The following CCDC102B variants were observed in gnomAD, a reference collection of about 807,000 sequenced individuals.
The protein encoded by CCDC102B is coiled-coil domain-containing protein 102B.
In CCDC102B, 75 loss-of-function variants were observed where a neutral mutation model predicts 57.4. The ratio of observed to expected loss-of-function variants is 1.31; its 90% confidence interval spans 1.08 to 1.58. CCDC102B has a LOEUF of 1.58. Ranked by LOEUF, CCDC102B falls within the 40% of genes most tolerant of loss-of-function variation. CCDC102B has a pLI of 0.00. For missense variants in CCDC102B, 636 were observed against 582.6 expected (o/e 1.09, Z -0.94); for synonymous variants, 206 against 201.9 (o/e 1.02, Z -0.17).
At chr18:68,959,463 C>T (rs2049991265) in intron 6 of CCDC102B, among the ~76,000 whole-genome samples, 1 of 152,162 alleles carries the variant, frequency 6.6e-6, no homozygotes. Context: ...GAAGCCAGCA[C>T]TGCACTGAAT....
At chr18:68,857,448 A>G (rs1367627119) in intron 4 of CCDC102B, among the ~76,000 whole-genome samples, 2 of 136,796 alleles carry the variant, frequency 1.5e-5, no homozygotes, top group African/African-American at 5.5e-5. Context: ...TTTATAATTT[A>G]TACCTATTAT....
At chr18:68,872,078 A>G (rs538190135) in intron 4 of CCDC102B, among the ~76,000 whole-genome samples, 10 of 152,308 alleles carry the variant, frequency 6.6e-5, no homozygotes, top group Non-Finnish European at 1.3e-4. Context: ...TAAAGAACAT[A>G]TTCAATAATT....
chr18:68,999,464 A>G (rs62096579), intron 6 of CCDC102B, among the ~76,000 whole-genome samples: 1 of 149,078 alleles, frequency 6.7e-6, no homozygotes, highest in East Asian at 2.0e-4. Context: ...AAAAAAACCC[A>G]GTATGGTGGT....
chr18:68,868,541 G>T (rs1178196091), intron 4 of CCDC102B, among the ~76,000 whole-genome samples: 1 of 152,080 alleles, frequency 6.6e-6, no homozygotes, highest in African/African-American at 2.4e-5. Context: ...TCTTAACCTT[G>T]CTGTCACATA....
At chr18:68,987,967 G>A (rs1029986313) in intron 6 of CCDC102B, among the ~76,000 whole-genome samples, 4 of 152,144 alleles carry the variant, frequency 2.6e-5, no homozygotes, top group East Asian at 1.9e-4. Context: ...TAGTTCAGCC[G>A]CTGTGGAAAG....
chr18:68,968,747 A>G (rs372789696), intron 6 of CCDC102B, among the ~76,000 whole-genome samples: 2 of 152,110 alleles, frequency 1.3e-5, no homozygotes, highest in African/African-American at 4.8e-5. Flanking sequence ...GTTTACTTCT[A>G]TACCTATGAC....
intron 6 of CCDC102B, among the ~76,000 whole-genome samples, chr18:69,005,455 A>G (rs1258172107): frequency 2.6e-5 from 4 of 152,124 alleles, no homozygotes; most frequent in Non-Finnish European, 4.4e-5. Flanking sequence ...ATTTGAATGG[A>G]TAGAAATAAC....
At chr18:68,947,123 T>A (rs919778882) in intron 6 of CCDC102B, among the ~76,000 whole-genome samples, 1 of 152,004 alleles carries the variant, frequency 6.6e-6, no homozygotes, top group Non-Finnish European at 1.5e-5. Flanking sequence ...GGTGTGACAT[T>A]TTTATGTAGA....
rs1344792043 is a variant in CCDC102B, at chr18:68,938,620, A to T, written c.1263+41192A>T. Among the ~76,000 whole-genome samples the T allele has an allele frequency of 5.3e-5, 8 of 151,828 alleles. No individual in the cohort carries two copies. In the East Asian group the frequency reaches 1.5e-3, roughly 29 times the overall value. ...TCAATATGAAAATTAGTATCATTTT[A>T]TACTTAAAATCATTATACAGCTATC... On this transcript the variant is annotated intron_variant, in intron 6 of 7. Transcript: ENST00000360242.
At chr18:68,804,905 A>C (rs962621675) in intron 1 of CCDC102B, among the ~76,000 whole-genome samples, 6 of 149,400 alleles carry the variant, frequency 4.0e-5, no homozygotes, top group African/African-American at 1.5e-4. Flanking sequence ...TAGCATGTGC[A>C]TTTGCTAATG....
chr18:69,040,622 C>T (rs2052412059), intron 7 of CCDC102B, among the ~76,000 whole-genome samples: 1 of 151,936 alleles, frequency 6.6e-6, no homozygotes. Context: ...ATGCATTCTA[C>T]CTCCAACCAT....
chr18:68,765,344 A>AG (rs1491489584), intron 2 of CCDC102B, among the ~76,000 whole-genome samples: 5 of 142,052 alleles, frequency 3.5e-5, no homozygotes. Context: ...AAAGAAAGAA[A>AG]GAAAGAAAGA....
chr18:68,898,446 G>C (rs117121890), intron 6 of CCDC102B, among the ~76,000 whole-genome samples: 1,779 of 152,042 alleles, frequency 0.012, 37 homozygotes, highest in East Asian at 0.08. Flanking sequence ...TATAGTCCGT[G>C]ACCATAATTT....
intron 2 of CCDC102B, among the ~76,000 whole-genome samples, chr18:68,765,307 AGG>A (rs200028554): frequency 4.1e-5 from 3 of 73,752 alleles, no homozygotes; most frequent in African/African-American, 1.3e-4. Context: ...GAAGGAAGGA[AGG>A]AAGGAAGGAA....
intron 7 of CCDC102B, among the ~76,000 whole-genome samples, chr18:69,047,239 T>G (rs1366956724): frequency 6.6e-6 from 1 of 152,066 alleles, no homozygotes; most frequent in Non-Finnish European, 1.5e-5. Flanking sequence ...ATCCCTGGGA[T>G]GGCAATCAAT....
chr18:68,998,901 G>A (rs955595022), intron 6 of CCDC102B, among the ~76,000 whole-genome samples: 17 of 149,400 alleles, frequency 1.1e-4, no homozygotes, highest in African/African-American at 2.5e-4. Flanking sequence ...GACACACCCA[G>A]GAACAATGCT....
chr18:68,753,402 G>A (rs912516250), intron 2 of CCDC102B: 25 of 151,944 alleles, frequency 1.6e-4, no homozygotes, highest in African/African-American at 6.0e-4. Flanking sequence ...CCAGTCTTGG[G>A]GATAAAGATA....
At chr18:68,877,708 A>G (rs1359256973) in intron 5 of CCDC102B, among the ~76,000 whole-genome samples, 1 of 152,226 alleles carries the variant, frequency 6.6e-6, no homozygotes, top group Non-Finnish European at 1.5e-5. Flanking sequence ...TTCCATCATT[A>G]TCATCAAACG....
In CCDC102B at chr18:68,956,504, A is replaced by ATTTT. The variant is rs1491281612; in HGVS notation, c.1264-54430_1264-54429insTTTT. Among the ~76,000 whole-genome samples, 2 of 51,554 alleles carry ATTTT rather than the reference A, an allele frequency of 3.9e-5. 1 individual carries two copies. The highest frequency in any genetic ancestry group is 2.6e-4 in the African/African-American group (2 of 7,696). 33.8% of individuals were successfully genotyped at this position (51,554 alleles called of 152,430 possible). ...TATATAATATATATATAAAATATAT[A>ATTTT]ATATATATATCGCATATTATATATA... On this transcript the variant is annotated intron_variant, in intron 6 of 7. Transcript: ENST00000360242.
Sources: gnomAD v4.1 joint callset for allele counts (sites outside exome capture counted in the v4.1 genomes callset) on GRCh38, gnomAD v4.1.1 for gene constraint, MANE v1.5 for transcripts, NCBI Gene and HGNC (gene_info 2026-07-23, HGNC 2026-07-21) for gene names.